Variants in TMTC2 observed in about 807,000 individuals in gnomAD.
TMTC2 encodes transmembrane O-mannosyltransferase targeting cadherins 2, also known as protein O-mannosyl-transferase TMTC2.
Under a neutral mutation model 82.4 loss-of-function variants are expected in TMTC2, and 43 were observed. The observed-to-expected ratio is 0.52, with a 90% confidence interval of 0.41 to 0.67. TMTC2 has a LOEUF of 0.67. TMTC2 is among the 30% of genes least tolerant of loss of function. TMTC2 has a pLI of 0.00. For synonymous variants in TMTC2, 408 were observed against 381.9 expected, an observed-to-expected ratio of 1.07 and a Z score of -0.80; for missense variants, 919 against 1,012.4, an observed-to-expected ratio of 0.91 and a Z score of 1.25.
intron 4 of TMTC2, among the ~76,000 whole-genome samples, chr12:82,945,358 T>C (rs1359962197): frequency 6.6e-6 from 1 of 152,226 alleles, no homozygotes; most frequent in Non-Finnish European, 1.5e-5. Flanking sequence ...TTTTCTGCAA[T>C]CTCATTAAAA....
intron 1 of TMTC2, among the ~76,000 whole-genome samples, chr12:82,825,096 AAG>A (rs1869336727): frequency 1.3e-5 from 2 of 150,448 alleles, no homozygotes; most frequent in African/African-American, 4.9e-5. Flanking sequence ...CTCAAAAAAA[AAG>A]AAAAAAAAAA....
chr12:83,088,056 G>A (rs1351863324), intron 11 of TMTC2, among the ~76,000 whole-genome samples: 1 of 152,188 alleles, frequency 6.6e-6, no homozygotes, highest in African/African-American at 2.4e-5. Context: ...AATGATCTTA[G>A]CTAGATCTTC....
At chr12:82,689,902 T>A (rs1163843865) in intron 1 of TMTC2, among the ~76,000 whole-genome samples, 6 of 152,230 alleles carry the variant, frequency 3.9e-5, no homozygotes, top group Admixed American at 3.9e-4. Context: ...TAACTGTGAA[T>A]TATACTTTGC....
At chr12:82,704,989 G>A (rs993916821) in intron 1 of TMTC2, among the ~76,000 whole-genome samples, 3 of 152,156 alleles carry the variant, frequency 2.0e-5, no homozygotes, top group South Asian at 4.1e-4. Context: ...ATATGTATAC[G>A]ATGGAATATT....
chr12:83,016,630 T>C (rs79815005), intron 8 of TMTC2, among the ~76,000 whole-genome samples: 6,493 of 152,274 alleles, frequency 0.043, 163 homozygotes, highest in South Asian at 0.066. Context: ...TCTAAATACA[T>C]GATAAGGAAT....
intron 1 of TMTC2, among the ~76,000 whole-genome samples, chr12:82,697,204 C>T (rs1458660633): frequency 6.6e-6 from 1 of 151,634 alleles, no homozygotes. Context: ...ATTAACTGGG[C>T]ATGGTGATGC....
chr12:82,866,636 G>A (rs1871881663), intron 2 of TMTC2, among the ~76,000 whole-genome samples: 1 of 152,114 alleles, frequency 6.6e-6, no homozygotes, highest in South Asian at 2.1e-4. Context: ...TTGACTGAGG[G>A]GGATCCGATG....
intron 11 of TMTC2, among the ~76,000 whole-genome samples, chr12:83,118,606 C>T (rs550496333): frequency 6.6e-6 from 1 of 152,282 alleles, no homozygotes; most frequent in East Asian, 1.9e-4. Flanking sequence ...CATCTGTGTT[C>T]ATCAGGGATA....
chr12:83,011,968 T>C (rs1880483380), intron 8 of TMTC2, among the ~76,000 whole-genome samples: 1 of 152,178 alleles, frequency 6.6e-6, no homozygotes, highest in African/African-American at 2.4e-5. Context: ...GTGAAATGAT[T>C]CTAAAGCAAG....
At position 83,115,167 on chromosome 12, in the gene TMTC2, C is replaced by T. The variant is rs188811440; in HGVS notation, c.2332-17043C>T. On this transcript the variant is annotated intron_variant, in intron 11 of 11. Coordinates refer to ENST00000321196, the MANE Select transcript of TMTC2 (RefSeq NM_152588.3). ...GTACACAGTTGGATGGGCTGTACAG[C>T]TGGAAATCCTTCTGTGTAATATGAT... Among the ~76,000 whole-genome samples the T allele has an allele frequency of 5.9e-5, 9 of 152,160 alleles. No individual in the cohort carries two copies. The East Asian group carries it at 1.5e-3, about 26-fold the overall frequency.
chr12:82,791,696 T>C (rs1222376639), intron 1 of TMTC2, among the ~76,000 whole-genome samples: 1 of 152,230 alleles, frequency 6.6e-6, no homozygotes, highest in Admixed American at 6.5e-5. Flanking sequence ...AGCATCAACA[T>C]TGTTGGTAAA....
intron 1 of TMTC2, among the ~76,000 whole-genome samples, chr12:82,714,520 A>T (rs1209333778): frequency 6.6e-6 from 1 of 151,780 alleles, no homozygotes; most frequent in Non-Finnish European, 1.5e-5. Flanking sequence ...TTTTATTTCT[A>T]TGCTAGTGTT....
At chr12:82,916,206 G>C (rs1874990208) in intron 3 of TMTC2, among the ~76,000 whole-genome samples, 1 of 152,176 alleles carries the variant, frequency 6.6e-6, no homozygotes, top group South Asian at 2.1e-4. Context: ...TATTCCCCAA[G>C]TGTTCCATTA....
intron 4 of TMTC2, among the ~76,000 whole-genome samples, chr12:82,939,534 T>C (rs1876590003): frequency 1.3e-5 from 2 of 152,146 alleles, no homozygotes; most frequent in South Asian, 4.1e-4. Flanking sequence ...TATTTTTTTG[T>C]ATTAAGGTAT....
chr12:83,003,105 T>G (rs1303949135), intron 8 of TMTC2, among the ~76,000 whole-genome samples: 1 of 152,178 alleles, frequency 6.6e-6, no homozygotes, highest in African/African-American at 2.4e-5. Flanking sequence ...GCTCTAATAT[T>G]TGCTATGTAT....
chr12:82,735,521 A>AT (rs1875055929), intron 1 of TMTC2, among the ~76,000 whole-genome samples: 1 of 151,638 alleles, frequency 6.6e-6, no homozygotes, highest in Non-Finnish European at 1.5e-5. Context: ...AATTTTTTGT[A>AT]TTTTTAGTAG....
At chr12:82,908,697 TTCCC>T (rs1171278557) in intron 3 of TMTC2, among the ~76,000 whole-genome samples, 2 of 152,160 alleles carry the variant, frequency 1.3e-5, no homozygotes, top group Non-Finnish European at 2.9e-5. Context: ...TTCTTTTTCA[TTCCC>T]TCAAAGATTT....
intron 1 of TMTC2, among the ~76,000 whole-genome samples, chr12:82,691,310 C>T (rs145117079): frequency 3.3e-5 from 5 of 151,492 alleles, no homozygotes; most frequent in African/African-American, 1.2e-4. Context: ...GATCTCTTAG[C>T]TATTCCACTG....
intron 11 of TMTC2, among the ~76,000 whole-genome samples, chr12:83,122,602 G>C (rs568058585): frequency 2.0e-5 from 3 of 152,174 alleles, no homozygotes; most frequent in Non-Finnish European, 4.4e-5. Flanking sequence ...TTTCGCCAGT[G>C]GGGGTGTGTG....
Sources: allele counts gnomAD v4.1 joint callset (sites outside exome capture counted in the v4.1 genomes callset), GRCh38; gene constraint gnomAD v4.1.1; transcripts MANE v1.5; gene names NCBI Gene and HGNC (gene_info 2026-07-23, HGNC 2026-07-21).